PDHA1: variants seen among roughly 807,000 people sequenced by gnomAD.
PDHA1 encodes the protein pyruvate dehydrogenase E1 component subunit alpha, somatic form, mitochondrial.
Under a neutral mutation model 33.0 loss-of-function variants are expected in PDHA1, and 1 was observed. That is an observed-to-expected ratio of 0.03 (90% CI 0.01 to 0.14). The LOEUF (loss-of-function observed/expected upper bound fraction) is 0.14, where lower values mean the gene tolerates loss of function less well. PDHA1 is among the 10% of genes least tolerant of loss of function. PDHA1 has a pLI of 1.00. For missense variants in PDHA1, 168 were observed against 325.1 expected, an observed-to-expected ratio of 0.52 and a Z score of 3.72; for synonymous variants, 123 against 119.2, an observed-to-expected ratio of 1.03 and a Z score of -0.21.
chrX:19,343,986 T>C lies in PDHA1; in HGVS notation c.-52T>C, dbSNP rs2063113762. On this transcript the variant is annotated 5_prime_UTR_variant, in exon 1 of 11. Coordinates refer to ENST00000422285, the MANE Select transcript of PDHA1 (RefSeq NM_000284.4). ...TGAAGGAGACTTGGGGGCACCCGCGTCGTGCCTCCTGGGTTGTGAGGAGTC... is the reference window on the plus strand; with the variant it reads ...TGAAGGAGACTTGGGGGCACCCGCGCCGTGCCTCCTGGGTTGTGAGGAGTC... 2 of 1,141,364 alleles carry C rather than the reference T, an allele frequency of 1.8e-6. No homozygotes were observed. Among genetic ancestry groups the C allele is most frequent in the African/African-American group, 3.6e-5 (2 of 56,212 alleles). 94.1% of individuals were successfully genotyped at this position (1,141,364 alleles called of 1,213,427 possible).
chrX:19,345,561 A>G (rs181139208), intron 1 of PDHA1, among the ~76,000 whole-genome samples: 7,068 of 80,949 alleles, frequency 0.087, 879 homozygotes, highest in African/African-American at 0.31. Flanking sequence ...CAAGAGCAAG[A>G]CTCCGTATTT....
At position 19,346,005 on chromosome X, in the gene PDHA1, T is replaced by G. The variant is rs780847301; in HGVS notation, c.57+1911T>G. 4.4e-5 allele frequency among the ~76,000 whole-genome samples: 5 copies of G among 112,445 alleles called. No individual in the cohort carries two copies. The South Asian group carries it at 1.8e-3, about 41-fold the overall frequency. On this transcript the variant is annotated intron_variant, in intron 1 of 10. Coordinates refer to ENST00000422285, the MANE Select transcript of PDHA1 (RefSeq NM_000284.4). ...GTTGACTCTTTGTATTTTGTAATTC[T>G]TCATACTTATGGATGTCTTTTTACT...
intron 4 of PDHA1, among the ~76,000 whole-genome samples, chrX:19,351,765 G>T: frequency 1.1e-5 from 1 of 94,708 alleles, no homozygotes; most frequent in African/African-American, 4.1e-5. Context: ...CCTTTTCTTT[G>T]TCCCCCGTGA....
At chrX:19,356,052 C>T (rs1038665384) in intron 8 of PDHA1, among the ~76,000 whole-genome samples, 5 of 111,574 alleles carry the variant, frequency 4.5e-5, no homozygotes, top group Non-Finnish European at 9.4e-5. Context: ...CTCCTCCCCA[C>T]CCCCCATTAA....
In PDHA1 at chrX:19,359,581, C is replaced by T; in HGVS notation, c.1101C>T (p.His367=). ...CACCTTTGGAAGAGCTGGGCTACCA[C>T]ATCTACTCCAGCGACCCACCTTTTG... The part of the protein sequence containing the change: ...PEPPLEELGY[H]IYSSDPPFEV... The change falls in exon 11 of 11, where the codon CAC becomes CAT. Residue 367 remains histidine (H), a synonymous_variant. Coordinates refer to ENST00000422285, the MANE Select transcript of PDHA1 (RefSeq NM_000284.4). 1.7e-6 allele frequency: 2 copies of T among 1,210,704 alleles called. No individual in the cohort carries two copies. Among genetic ancestry groups the T allele is most frequent in the South Asian group, 1.8e-5 (1 of 56,980 alleles).
At chrX:19,352,478 C>T (rs1312213603) in intron 4 of PDHA1, among the ~76,000 whole-genome samples, 1 of 109,119 alleles carries the variant, frequency 9.2e-6, no homozygotes, top group Non-Finnish European at 1.9e-5. Flanking sequence ...TCAGGTGATC[C>T]ACCCTCTTCG....
chrX:19,344,226 C>T lies in PDHA1; in HGVS notation c.57+132C>T, dbSNP rs900269807. On this transcript the variant is annotated intron_variant, in intron 1 of 10. Transcript: ENST00000422285. ...GGGGAGCCGGGGAGCCTTTACTTCG[C>T]CTCCGCGCCCTGCATTCCGTTCCTG... The T allele has an allele frequency of 7.7e-6, 4 of 521,674 alleles. No individual in the cohort carries two copies. The Admixed American group carries it at 1.0e-4, about 13-fold the overall frequency. The allele number at this position is 521,674 out of a possible 1,213,427, so 43.0% of individuals were successfully genotyped here.
chrX:19,354,702 T>TAGCTC, intron 6 of PDHA1, 119 bp downstream of exon 6: 1 of 558,998 alleles, frequency 1.8e-6, no homozygotes, highest in Non-Finnish European at 3.2e-6. Context: ...GTCCTATGGC[T>TAGCTC]AGCTCAAATT....
Position 19,360,623 on chromosome X carries a change from A to C in PDHA1, c.*970A>C. The C allele has an allele frequency of 2.0e-6, 1 of 511,310 alleles. No homozygotes were observed. The highest frequency in any genetic ancestry group is 3.3e-6 in the Non-Finnish European group (1 of 304,107). The allele number at this position is 511,310 out of a possible 1,213,427, so 42.1% of individuals were successfully genotyped here. A position where few individuals can be genotyped will look rare whatever the true frequency, so the allele number is the denominator to read the frequency against. On this transcript the variant is annotated 3_prime_UTR_variant, in exon 11 of 11. Coordinates refer to ENST00000422285, the MANE Select transcript of PDHA1 (RefSeq NM_000284.4). ...GGACAGTATTTAAAACAAGTTCTTA[A>C]ACTATTAATTGAACAATGGCATTTT... is the stretch of plus-strand genomic sequence containing the variant.
chrX:19,361,097 T>C lies in PDHA1; in HGVS notation c.*1444T>C, dbSNP rs1368271274. On this transcript the variant is annotated 3_prime_UTR_variant, in exon 11 of 11. Coordinates refer to ENST00000422285, the MANE Select transcript of PDHA1 (RefSeq NM_000284.4). The stretch of plus-strand genomic sequence containing the variant: ...CCAGCGTGCAGGCACGCTTGCCATG[T>C]GCCTCCACCCACTCCCAGCCAGGCA... The C allele has an allele frequency of 4.8e-6, 2 of 420,312 alleles. No homozygotes were observed. The highest frequency in any genetic ancestry group is 8.2e-6 in the Non-Finnish European group (2 of 243,662). 34.6% of individuals were successfully genotyped at this position (420,312 alleles called of 1,213,427 possible).
intron 1 of PDHA1, among the ~76,000 whole-genome samples, chrX:19,344,611 T>G (rs1346200951): frequency 8.9e-6 from 1 of 112,830 alleles, no homozygotes; most frequent in Admixed American, 9.3e-5. Context: ...AAATGTTTGC[T>G]CGAAGTGGAG....
intron 1 of PDHA1, chrX:19,346,745 T>C (rs192737244): frequency 2.3e-6 from 1 of 430,436 alleles, no homozygotes; most frequent in East Asian, 4.6e-5. Context: ...ATAGTTTTCA[T>C]AGTTCTTATT....
chrX:19,360,882 G>C lies in PDHA1; in HGVS notation c.*1229G>C, dbSNP rs751191482. 3.0e-6 allele frequency: 3 copies of C among 999,897 alleles called. No individual in the cohort carries two copies. Among genetic ancestry groups the C allele is most frequent in the Non-Finnish European group, 4.2e-6 (3 of 722,477 alleles). The allele number at this position is 999,897 out of a possible 1,213,427, so 82.4% of individuals were successfully genotyped here. On this transcript the variant is annotated 3_prime_UTR_variant, in exon 11 of 11. Coordinates refer to ENST00000422285, the MANE Select transcript of PDHA1 (RefSeq NM_000284.4). ...TCAGAGTCAGTGCTTCAAGCCAACA[G>C]AGCTTAAAACTGCAGTCCCTAATTT...
chrX:19,345,572 T>TTAAAAAA (rs2063125797), intron 1 of PDHA1, among the ~76,000 whole-genome samples: 1 of 30,263 alleles, frequency 3.3e-5, no homozygotes, highest in African/African-American at 9.5e-5. Context: ...CTCCGTATTT[T>TTAAAAAA]AAAAAAAAAA....
chrX:19,357,821 G>GTTCAC, intron 9 of PDHA1, 102 bp downstream of exon 9: 1 of 636,432 alleles, frequency 1.6e-6, no homozygotes, highest in African/African-American at 2.1e-5. Flanking sequence ...CTAGATACCA[G>GTTCAC]TTCACTTCAT....
In PDHA1 at chrX:19,355,360, C is replaced by T. The variant is rs137853254; in HGVS notation, c.615C>T (p.Phe205=). The T allele has an allele frequency of 8.3e-7, 1 of 1,211,651 alleles. No individual in the cohort carries two copies. The highest frequency in any genetic ancestry group is 1.8e-5 in the South Asian group (1 of 57,008). Residue 205 remains phenylalanine (F), a synonymous_variant, in exon 7 of 11, where the codon TTC becomes TTT. Coordinates refer to ENST00000422285, the MANE Select transcript of PDHA1 (RefSeq NM_000284.4). ...GTAACTACTTCCAGGGCCAGATATT[C>T]GAAGCTTACAACATGGCAGCTTTGT... is the stretch of plus-strand genomic sequence containing the variant. ...GDGAANQGQI[F]EAYNMAALWK... is the part of the protein sequence containing the mutation.
At chrX:19,355,180 TC>T in intron 6 of PDHA1, 168 bp from the exon 7 acceptor site, 1 of 547,567 alleles carries the variant, frequency 1.8e-6, no homozygotes, top group South Asian at 2.5e-5. Flanking sequence ...CTGCTACTTC[TC>T]CTCCACCACC....
chrX:19,358,189 C>T (rs1192228617), intron 9 of PDHA1, among the ~76,000 whole-genome samples: 2 of 111,968 alleles, frequency 1.8e-5, no homozygotes, highest in Non-Finnish European at 3.8e-5. Context: ...ACTAGGAAGG[C>T]ATGAATTTTA....
At position 19,360,691 on chromosome X, in the gene PDHA1, A is replaced by G; in HGVS notation, c.*1038A>G. 2.2e-6 allele frequency: 2 copies of G among 918,120 alleles called. No homozygotes were observed. The highest frequency in any genetic ancestry group is 4.1e-5 in the South Asian group (2 of 48,949). The allele number at this position is 918,120 out of a possible 1,213,427, so 75.7% of individuals were successfully genotyped here. A position where few individuals can be genotyped will look rare whatever the true frequency, so the allele number is the denominator to read the frequency against. On this transcript the variant is annotated 3_prime_UTR_variant, in exon 11 of 11. Transcript: ENST00000422285. Reference sequence around the variant, plus strand: ...CGGAATTCGTGTATACACTAACAGAAGCTTTAACAAAACATGTAGCGTGGT... The same window carrying G: ...CGGAATTCGTGTATACACTAACAGAGGCTTTAACAAAACATGTAGCGTGGT...
Sources: gnomAD v4.1 joint callset for allele counts (sites outside exome capture counted in the v4.1 genomes callset) on GRCh38, gnomAD v4.1.1 for gene constraint, MANE v1.5 for transcripts, NCBI Gene and HGNC (gene_info 2026-07-23, HGNC 2026-07-21) for gene names.